Variants in PRRG1 observed in about 807,000 individuals in gnomAD.
The protein encoded by PRRG1 is proline rich and Gla domain 1.
In PRRG1, 5 loss-of-function variants were observed where a neutral mutation model predicts 11.8. The ratio of observed to expected loss-of-function variants is 0.42; its 90% CI spans 0.22 to 0.89. The LOEUF (loss-of-function observed/expected upper bound fraction) is 0.89, where lower values mean the gene tolerates loss of function less well. Ranked by LOEUF, PRRG1 falls within the 40% of genes least tolerant of loss-of-function variation. The pLI is 0.28. For missense variants in PRRG1, 155 were observed against 166.1 expected, an observed-to-expected ratio of 0.93 and a Z score of 0.37; for synonymous variants, 66 against 60.4, an observed-to-expected ratio of 1.09 and a Z score of -0.43.
chrX:37,358,706 A>G lies in PRRG1; in HGVS notation c.-42+9311A>G, dbSNP rs1319977896. On this transcript the variant is annotated intron_variant, in intron 1 of 3. Transcript: ENST00000378628. ...GCTATTCTGTATCTGCTGCCTCTCCATATAAACTTTAGAATCAGTTGTTTT... is the reference window on the plus strand; with the variant it reads ...GCTATTCTGTATCTGCTGCCTCTCCGTATAAACTTTAGAATCAGTTGTTTT... Among the ~76,000 whole-genome samples the G allele has an allele frequency of 6.3e-5, 7 of 111,441 alleles. 1 individual carries two copies. The highest frequency in any genetic ancestry group is 1.3e-4 in the Non-Finnish European group (7 of 53,010).
At chrX:37,452,991 A>T in intron 3 of PRRG1, 145 bp from the exon 4 acceptor site, 2 of 603,013 alleles carry the variant, frequency 3.3e-6, no homozygotes, top group Non-Finnish European at 5.1e-6. Context: ...CACATGGAAA[A>T]TATAGACTTG....
intron 3 of PRRG1, among the ~76,000 whole-genome samples, chrX:37,437,316 G>T (rs782716969): frequency 1.8e-5 from 2 of 111,021 alleles, no homozygotes; most frequent in Non-Finnish European, 3.8e-5. Context: ...GGGGGGGGAG[G>T]TGCTCTCCTG....
At chrX:37,433,349 T>C (rs1932851987) in intron 3 of PRRG1, among the ~76,000 whole-genome samples, 1 of 111,851 alleles carries the variant, frequency 8.9e-6, no homozygotes, top group Non-Finnish European at 1.9e-5. Context: ...GTGGCTTTCT[T>C]GTGCGTCCTC....
intron 1 of PRRG1, among the ~76,000 whole-genome samples, chrX:37,355,180 A>G (rs1187943816): frequency 1.8e-5 from 2 of 111,336 alleles, no homozygotes; most frequent in Non-Finnish European, 3.8e-5. Flanking sequence ...CAGCCTCCCA[A>G]AGTGGTGAGA....
intron 1 of PRRG1, among the ~76,000 whole-genome samples, chrX:37,400,629 A>C (rs1269527519): frequency 1.8e-5 from 2 of 111,922 alleles, no homozygotes; most frequent in Non-Finnish European, 3.8e-5. Flanking sequence ...AAAATAACTA[A>C]AATCAGAGCA....
intron 1 of PRRG1, among the ~76,000 whole-genome samples, chrX:37,377,233 T>A (rs150273113): frequency 0.02 from 2,218 of 112,204 alleles, 54 homozygotes; most frequent in African/African-American, 0.068. Flanking sequence ...TTTGGATAAA[T>A]CCTGTAATGG....
chrX:37,414,392 T>C (rs189267179), intron 2 of PRRG1, among the ~76,000 whole-genome samples: 569 of 112,341 alleles, frequency 5.1e-3, no homozygotes, highest in Non-Finnish European at 8.4e-3. Flanking sequence ...CAAGGTACAG[T>C]CCTAGTCCTA....
chrX:37,395,389 C>T (rs980796602), intron 1 of PRRG1, among the ~76,000 whole-genome samples: 8 of 111,114 alleles, frequency 7.2e-5, no homozygotes, highest in African/African-American at 1.3e-4. Context: ...CCAAGGCGGG[C>T]GAATCACGAG....
intron 2 of PRRG1, among the ~76,000 whole-genome samples, chrX:37,421,662 C>T (rs1320288807): frequency 8.9e-6 from 1 of 112,037 alleles, no homozygotes; most frequent in African/African-American, 3.2e-5. Flanking sequence ...TTTGTTTTCG[C>T]ATTTTAAAAA....
At chrX:37,376,741 G>T (rs1930974071) in intron 1 of PRRG1, among the ~76,000 whole-genome samples, 1 of 104,585 alleles carries the variant, frequency 9.6e-6, no homozygotes, top group African/African-American at 3.4e-5. Flanking sequence ...AGAATCTTGT[G>T]ATGTCCCAGC....
At position 37,431,914 on chromosome X, in the gene PRRG1, C is replaced by T. The variant is rs781852954; in HGVS notation, c.171+5914C>T. On this transcript the variant is annotated intron_variant, in intron 3 of 3. Coordinates refer to ENST00000378628, the MANE Select transcript of PRRG1 (RefSeq NM_001142395.2). ...TCCTAAGTAGCTGGGACTACAGGTGCATGCCACCATGTCCGGCTTTATATA... is the reference window on the plus strand; with the variant it reads ...TCCTAAGTAGCTGGGACTACAGGTGTATGCCACCATGTCCGGCTTTATATA... Among the ~76,000 whole-genome samples, 3 of 108,339 alleles carry T rather than the reference C, an allele frequency of 2.8e-5. No homozygotes were observed. The East Asian group carries it at 8.7e-4, about 31-fold the overall frequency. The allele number at this position is 108,339 out of a possible 115,157, so 94.1% of individuals were successfully genotyped here. A position where few individuals can be genotyped will look rare whatever the true frequency, so the allele number is the denominator to read the frequency against.
At chrX:37,416,816 T>C (rs1221972266) in intron 2 of PRRG1, among the ~76,000 whole-genome samples, 1 of 112,361 alleles carries the variant, frequency 8.9e-6, no homozygotes, top group Non-Finnish European at 1.9e-5. Flanking sequence ...TGATAAGAAG[T>C]AGTTATAAAG....
intron 1 of PRRG1, among the ~76,000 whole-genome samples, chrX:37,379,985 T>C (rs1931102302): frequency 9.0e-6 from 1 of 111,463 alleles, no homozygotes; most frequent in South Asian, 3.7e-4. Flanking sequence ...GCCATAGATA[T>C]TCAGAGGACA....
chrX:37,398,249 G>A (rs782046577), intron 1 of PRRG1, among the ~76,000 whole-genome samples: 100 of 110,872 alleles, frequency 9.0e-4, no homozygotes, highest in South Asian at 2.8e-3. Context: ...GCGGACTGAC[G>A]CCTCACACGG....
At chrX:37,399,603 A>G (rs1931875254) in intron 1 of PRRG1, among the ~76,000 whole-genome samples, 1 of 102,958 alleles carries the variant, frequency 9.7e-6, no homozygotes, top group South Asian at 4.9e-4. Flanking sequence ...CTAACATCAT[A>G]ATGACAGGAT....
chrX:37,395,906 C>A (rs781851644), intron 1 of PRRG1, among the ~76,000 whole-genome samples: 5 of 111,745 alleles, frequency 4.5e-5, no homozygotes, highest in Non-Finnish European at 9.4e-5. Context: ...ATTCAAACAA[C>A]TGTATATTAT....
At chrX:37,357,865 C>A (rs1930290535) in intron 1 of PRRG1, among the ~76,000 whole-genome samples, 1 of 112,349 alleles carries the variant, frequency 8.9e-6, no homozygotes, top group Admixed American at 9.4e-5. Flanking sequence ...TTATTCCCAC[C>A]AGCAGTGGAT....
chrX:37,401,569 T>A (rs1165993449), intron 1 of PRRG1, among the ~76,000 whole-genome samples: 1,960 of 109,968 alleles, frequency 0.018, 47 homozygotes, highest in African/African-American at 0.061. Context: ...CTTTGAAAAC[T>A]GGCACAAGAC....
intron 1 of PRRG1, among the ~76,000 whole-genome samples, chrX:37,360,316 C>T (rs1310238897): frequency 8.9e-6 from 1 of 112,086 alleles, no homozygotes; most frequent in Non-Finnish European, 1.9e-5. Context: ...ACTACTTTTG[C>T]TGCATCCCAC....
Sources: allele counts gnomAD v4.1 joint callset (sites outside exome capture counted in the v4.1 genomes callset), GRCh38; gene constraint gnomAD v4.1.1; transcripts MANE v1.5; gene names NCBI Gene and HGNC (gene_info 2026-07-23, HGNC 2026-07-21).